The following CRACDL variants were observed in gnomAD, a reference collection of about 807,000 sequenced individuals.
CRACDL encodes CRACD like, also known as CRACD-like protein.
CRACDL carries 26 observed loss-of-function variants against 70.6 expected under a neutral mutation model. That is an observed-to-expected ratio of 0.37 (90% CI 0.27 to 0.51). CRACDL has a LOEUF of 0.51. Ranked by LOEUF, CRACDL falls within the 20% of genes least tolerant of loss-of-function variation. CRACDL has a pLI of 0.94. For synonymous variants in CRACDL, 618 were observed against 615.2 expected (o/e 1.00, Z -0.07); for missense variants, 1,283 against 1,376.9 (o/e 0.93, Z 1.08).
chr2:98,852,435 A>G (rs1165611431), intron 1 of CRACDL, among the ~76,000 whole-genome samples: 1 of 152,160 alleles, frequency 6.6e-6, no homozygotes. Context: ...TCTACCATAT[A>G]ATCAAAATTT....
chr2:98,812,291 G>C (rs1704602606), intron 7 of CRACDL, among the ~76,000 whole-genome samples: 1 of 152,148 alleles, frequency 6.6e-6, no homozygotes, highest in Non-Finnish European at 1.5e-5. Flanking sequence ...TGGTGATTTT[G>C]AATAATGCTG....
rs370981557 is a variant in CRACDL at position 98,822,810 on chromosome 2, G to A, written c.1463C>T (p.Ala488Val). The A allele has an allele frequency of 1.4e-6, 2 of 1,380,442 alleles. No homozygotes were observed. The highest frequency in any genetic ancestry group is 3.1e-5 in the Admixed American group (1 of 32,162). 85.5% of individuals were successfully genotyped at this position (1,380,442 alleles called of 1,614,324 possible). A position where few individuals can be genotyped will look rare whatever the true frequency, so the allele number is the denominator to read the frequency against. ...GCTCTTGGGCGCCGGCGGGCTCGGG[G>A]CGGGCGCCGTGGAGGGCTCGGTCCC... is the stretch of plus-strand genomic sequence containing the variant. ...RIGTEPSTAPAPSPPAPKSCL... is the reference protein window; with the variant it reads ...RIGTEPSTAPVPSPPAPKSCL... Residue 488 changes from alanine (A) to valine (V), a missense_variant, in exon 7 of 10, where the codon GCC becomes GTC. By Grantham distance (64) the Ala-to-Val change is moderately conservative. Transcript: ENST00000397899. This position sits in a 1 kb window ranked among gnomAD's most constrained non-coding sequence, Gnocchi z 4.9.
intron 1 of CRACDL, among the ~76,000 whole-genome samples, chr2:98,855,998 A>G (rs1025274522): frequency 1.3e-5 from 2 of 152,192 alleles, no homozygotes; most frequent in African/African-American, 4.8e-5. Flanking sequence ...TTAACTATAC[A>G]AATATTCAGA....
At chr2:98,870,556 C>T (rs561482779) in intron 1 of CRACDL, among the ~76,000 whole-genome samples, 66 of 152,158 alleles carry the variant, frequency 4.3e-4, no homozygotes, top group Non-Finnish European at 8.4e-4. Context: ...TGGAGAGTCC[C>T]CTGTATCCTG....
At chr2:98,795,077 A>ATATATATTTTTTTTTTTTTT in intron 9 of CRACDL, among the ~76,000 whole-genome samples, 11 of 58,480 alleles carry the variant, frequency 1.9e-4, no homozygotes, top group South Asian at 9.8e-4. Flanking sequence ...ATATATATAT[A>ATATATATTTTTTTTTTTTTT]TTTTTTTTTT....
rs1052006084 is a variant in CRACDL at position 98,924,374 on chromosome 2, C to T, written c.-11+11564G>A. On this transcript the variant is annotated intron_variant, in intron 1 of 9. Transcript: ENST00000397899. ...AGCAAGCCACTTTCACCTCCCTGAA[C>T]TTCAGTTTCTTCACCTCAAAACAAA... 4.6e-5 allele frequency among the ~76,000 whole-genome samples: 7 copies of T among 152,338 alleles called. No homozygotes were observed. The East Asian group carries it at 1.3e-3, about 29-fold the overall frequency.
intron 2 of CRACDL, among the ~76,000 whole-genome samples, chr2:98,845,298 A>T (rs1706211209): frequency 6.6e-6 from 1 of 150,758 alleles, no homozygotes; most frequent in South Asian, 2.1e-4. Context: ...CTAGGCTCAC[A>T]CAATCCTCCC....
intron 5 of CRACDL, among the ~76,000 whole-genome samples, chr2:98,828,426 T>C (rs1705404123): frequency 6.6e-6 from 1 of 152,156 alleles, no homozygotes; most frequent in Non-Finnish European, 1.5e-5. Flanking sequence ...ATGAAAACAG[T>C]GAATGAGGCA....
intron 1 of CRACDL, among the ~76,000 whole-genome samples, chr2:98,933,786 C>T (rs1185513822): frequency 6.6e-6 from 1 of 152,216 alleles, no homozygotes; most frequent in Non-Finnish European, 1.5e-5. Flanking sequence ...CCAAGAGCAT[C>T]CCTGAGGGCT....
At chr2:98,873,494 A>C (rs1016157348) in intron 1 of CRACDL, among the ~76,000 whole-genome samples, 6 of 152,220 alleles carry the variant, frequency 3.9e-5, no homozygotes, top group African/African-American at 1.4e-4. Flanking sequence ...CTCTGACCCC[A>C]GGGTGGGAAC....
At chr2:98,898,113 G>C (rs1309940852) in intron 1 of CRACDL, among the ~76,000 whole-genome samples, 1 of 152,212 alleles carries the variant, frequency 6.6e-6, no homozygotes, top group Admixed American at 6.5e-5. Flanking sequence ...TTAGGCTCTA[G>C]CAACTCTAAA....
chr2:98,854,279 C>CAAAA (rs1229198569), intron 1 of CRACDL, among the ~76,000 whole-genome samples: 191 of 49,742 alleles, frequency 3.8e-3, no homozygotes, highest in Non-Finnish European at 4.2e-3. Context: ...GACTCTGTCT[C>CAAAA]AAAAAAAAAA....
intron 1 of CRACDL, among the ~76,000 whole-genome samples, chr2:98,878,631 C>T (rs369205830): frequency 9.9e-5 from 15 of 152,198 alleles, no homozygotes; most frequent in African/African-American, 1.7e-4. Context: ...CTCAGTTTTA[C>T]GTGAAGATGT....
chr2:98,848,671 C>A (rs1706357563), intron 1 of CRACDL, among the ~76,000 whole-genome samples: 3 of 152,192 alleles, frequency 2.0e-5, no homozygotes, highest in Admixed American at 6.5e-5. Flanking sequence ...GCATCCTCAA[C>A]CTCCTGGGCT....
rs144930709 is a variant in CRACDL at position 98,931,797 on chromosome 2, C to T, written c.-11+4141G>A. Among the ~76,000 whole-genome samples the T allele has an allele frequency of 1.8e-3, 275 of 152,302 alleles. 2 individuals carry two copies. The highest frequency in any genetic ancestry group is 6.0e-3 in the African/African-American group (250 of 41,558). ...GAGCCTGTGAAAAGCTGGTGGCTGA[C>T]GCTGCTCAGGAGGTGCCCTGTTACA... is the stretch of plus-strand genomic sequence containing the variant. On this transcript the variant is annotated intron_variant, in intron 1 of 9. Transcript: ENST00000397899.
At chr2:98,892,958 T>G (rs935812366) in intron 1 of CRACDL, among the ~76,000 whole-genome samples, 10 of 152,156 alleles carry the variant, frequency 6.6e-5, no homozygotes, top group African/African-American at 2.4e-4. Context: ...TTGGTTTCTC[T>G]GATACCTGGG....
At chr2:98,914,759 A>G (rs1195966917) in intron 1 of CRACDL, among the ~76,000 whole-genome samples, 1 of 152,168 alleles carries the variant, frequency 6.6e-6, no homozygotes, top group Non-Finnish European at 1.5e-5. Flanking sequence ...ACATGGACTG[A>G]GGCCTGAGGC....
At chr2:98,878,794 T>C (rs1452832419) in intron 1 of CRACDL, among the ~76,000 whole-genome samples, 3 of 152,188 alleles carry the variant, frequency 2.0e-5, no homozygotes, top group Non-Finnish European at 4.4e-5. Context: ...GCGCCCAGCA[T>C]CACGAGAGAA....
chr2:98,883,930 C>T (rs1393628039), intron 1 of CRACDL, among the ~76,000 whole-genome samples: 5 of 152,212 alleles, frequency 3.3e-5, no homozygotes, highest in Non-Finnish European at 7.3e-5. Context: ...CATGGGCACC[C>T]ACCCACACCA....
Sources: allele counts gnomAD v4.1 joint callset (sites outside exome capture counted in the v4.1 genomes callset), GRCh38; gene constraint gnomAD v4.1.1; non-coding constraint Gnocchi (gnomAD v3.1); transcripts MANE v1.5; gene names NCBI Gene and HGNC (gene_info 2026-07-23, HGNC 2026-07-21).